SVOPL: variants seen among roughly 807,000 people sequenced by gnomAD.
SVOPL encodes SVOP like, also known as putative transporter SVOPL.
A neutral mutation model predicts 61.0 loss-of-function variants in SVOPL; 60 were observed. That is an observed-to-expected ratio of 0.98 (90% CI 0.80 to 1.22). SVOPL has a LOEUF of 1.22. Among genes scored for constraint, SVOPL ranks in the 50% most tolerant of loss-of-function variants. The pLI is 0.00. For missense variants in SVOPL, 662 were observed against 643.9 expected (o/e 1.03, Z -0.30); for synonymous variants, 279 against 250.0 (o/e 1.12, Z -1.09).
At chr7:138,639,638 G>A (rs1584816774) in intron 9 of SVOPL, among the ~76,000 whole-genome samples, 1 of 150,494 alleles carries the variant, frequency 6.6e-6, no homozygotes, top group South Asian at 2.1e-4. Flanking sequence ...AAAAAGAAAA[G>A]AAGAGAAAAG....
chr7:138,639,724 C>T (rs1283723566), intron 9 of SVOPL, among the ~76,000 whole-genome samples: 2 of 152,042 alleles, frequency 1.3e-5, no homozygotes, highest in African/African-American at 4.8e-5. Context: ...GACAGGGTCT[C>T]GCCCTGTTGT....
chr7:138,681,459 G>A (rs530323854), intron 1 of SVOPL, among the ~76,000 whole-genome samples: 1 of 151,960 alleles, frequency 6.6e-6, no homozygotes, highest in African/African-American at 2.4e-5. Flanking sequence ...AACTGAGCCT[G>A]GGGCATCTTG....
At chr7:138,608,254 G>A (rs975444630) in intron 14 of SVOPL, among the ~76,000 whole-genome samples, 9 of 152,208 alleles carry the variant, frequency 5.9e-5, no homozygotes, top group African/African-American at 2.2e-4. Flanking sequence ...TGGGTGGAAT[G>A]TTACTAAGTG....
chr7:138,662,406 G>T, intron 5 of SVOPL: 1 of 985,432 alleles, frequency 1.0e-6, no homozygotes, highest in Non-Finnish European at 1.2e-6. Flanking sequence ...AAAATTAAGG[G>T]AGACTTGCTC....
intron 15 of SVOPL, 84 bp downstream of exon 15, chr7:138,596,333 T>C (rs887199502): frequency 9.1e-7 from 1 of 1,102,066 alleles, no homozygotes. Flanking sequence ...TTATTTTAAC[T>C]ACAATGATGC....
At chr7:138,640,544 C>A (rs1009355768) in intron 9 of SVOPL, among the ~76,000 whole-genome samples, 1 of 152,108 alleles carries the variant, frequency 6.6e-6, no homozygotes, top group African/African-American at 2.4e-5. Flanking sequence ...GCCACTGCAC[C>A]CAGCTTTTTA....
intron 14 of SVOPL, among the ~76,000 whole-genome samples, chr7:138,605,466 A>G (rs958518714): frequency 4.6e-5 from 7 of 152,088 alleles, no homozygotes; most frequent in African/African-American, 1.7e-4. Flanking sequence ...GCTTGAGATC[A>G]GCCTGGCCAA....
chr7:138,657,311 A>C (rs1449698214), intron 6 of SVOPL, among the ~76,000 whole-genome samples: 1 of 151,996 alleles, frequency 6.6e-6, no homozygotes, highest in Non-Finnish European at 1.5e-5. Flanking sequence ...GCTCACCACC[A>C]CACCCAGCTA....
chr7:138,668,493 A>G (rs1447487228), intron 4 of SVOPL, among the ~76,000 whole-genome samples: 1 of 152,094 alleles, frequency 6.6e-6, no homozygotes, highest in Non-Finnish European at 1.5e-5. Context: ...TTTTGCCTCA[A>G]TATCTCATTT....
chr7:138,652,681 T>A (rs1323022460), intron 7 of SVOPL, among the ~76,000 whole-genome samples: 3 of 151,930 alleles, frequency 2.0e-5, no homozygotes, highest in African/African-American at 7.3e-5. Flanking sequence ...AATGGTGCCA[T>A]CTCAGCTTGG....
chr7:138,618,090 G>C (rs111361320), intron 14 of SVOPL, among the ~76,000 whole-genome samples: 1 of 152,080 alleles, frequency 6.6e-6, no homozygotes, highest in African/African-American at 2.4e-5. Context: ...TCCCAGATTC[G>C]AAACCTCCCC....
intron 10 of SVOPL, 28 bp downstream of exon 10, chr7:138,630,021 A>G (rs2116922366): frequency 1.3e-6 from 2 of 1,596,146 alleles, no homozygotes; most frequent in South Asian, 1.1e-5. Context: ...TCTATTTAAA[A>G]CTAGCTTTGA....
chr7:138,598,891 A>G (rs1284400312), intron 14 of SVOPL, among the ~76,000 whole-genome samples: 1 of 152,180 alleles, frequency 6.6e-6, no homozygotes, highest in African/African-American at 2.4e-5. Context: ...TTGTAAAAAT[A>G]TAATCTTCAC....
At chr7:138,700,255 G>T (rs935570026) in intron 1 of SVOPL, among the ~76,000 whole-genome samples, 1 of 151,284 alleles carries the variant, frequency 6.6e-6, no homozygotes, top group African/African-American at 2.4e-5. Flanking sequence ...ATTATTGAGA[G>T]ATAGAGCTTG....
chr7:138,599,642 C>T (rs549284470), intron 14 of SVOPL, among the ~76,000 whole-genome samples: 2 of 152,202 alleles, frequency 1.3e-5, no homozygotes, highest in African/African-American at 4.8e-5. Flanking sequence ...AATCCCAGCA[C>T]TTTGGGAGGC....
chr7:138,687,694 G>GAAAA (rs35163299), intron 1 of SVOPL, among the ~76,000 whole-genome samples: 1 of 137,984 alleles, frequency 7.2e-6, no homozygotes, highest in Admixed American at 7.4e-5. Flanking sequence ...TCAAGAAGGT[G>GAAAA]AAAAAAAAAA....
At chr7:138,612,424 T>TAAAAAAAAAAAAAAAAAAAA (rs1281500368) in intron 14 of SVOPL, among the ~76,000 whole-genome samples, 18 of 41,182 alleles carry the variant, frequency 4.4e-4, no homozygotes, top group Non-Finnish European at 5.2e-4. Context: ...AAAAAAAAAA[T>TAAAAAAAAAAAAAAAAAAAA]AAAATAAAAA....
intron 9 of SVOPL, among the ~76,000 whole-genome samples, chr7:138,632,761 GGA>G (rs1469649682): frequency 6.6e-6 from 1 of 151,890 alleles, no homozygotes; most frequent in African/African-American, 2.4e-5. Flanking sequence ...GGAGGAAAGA[GGA>G]GAGAGAGCTT....
chr7:138,664,155 G>A, intron 4 of SVOPL: 1 of 945,138 alleles, frequency 1.1e-6, no homozygotes, highest in Non-Finnish European at 1.3e-6. Flanking sequence ...ACGATCCTCA[G>A]TGGTGCCCCC....
Sources: gnomAD v4.1 joint callset for allele counts (sites outside exome capture counted in the v4.1 genomes callset) on GRCh38, gnomAD v4.1.1 for gene constraint, MANE v1.5 for transcripts, NCBI Gene and HGNC (gene_info 2026-07-23, HGNC 2026-07-21) for gene names.